HHAT: variants seen among roughly 807,000 people sequenced by gnomAD.
HHAT encodes protein-cysteine N-palmitoyltransferase HHAT.
HHAT carries 47 observed loss-of-function variants against 70.8 expected under a neutral mutation model. That is an observed-to-expected ratio of 0.66 (90% CI 0.53 to 0.85). HHAT has a LOEUF of 0.85. Among genes scored for constraint, HHAT ranks in the 40% least tolerant of loss-of-function variants. The pLI is 0.00. For missense variants in HHAT, 609 were observed against 604.8 expected, an observed-to-expected ratio of 1.01 and a Z score of -0.07; for synonymous variants, 228 against 247.6, an observed-to-expected ratio of 0.92 and a Z score of 0.74.
At chr1:210,590,596 A>G (rs1240427667) in intron 10 of HHAT, 6 of 147,928 alleles carry the variant, frequency 4.1e-5, no homozygotes, top group African/African-American at 1.5e-4. Context: ...TAGCTCAAAG[A>G]CAGTCAGGCT....
At chr1:210,515,757 C>CAAAAAA (rs34971563) in intron 9 of HHAT, among the ~76,000 whole-genome samples, 2 of 80,316 alleles carry the variant, frequency 2.5e-5, no homozygotes, top group African/African-American at 5.2e-5. Flanking sequence ...GACTCCGTCT[C>CAAAAAA]AAAAAAAAAA....
rs190307003 is a variant in HHAT at position 210,360,332 on chromosome 1, T to C, written c.92-2520T>C. On this transcript the variant is annotated intron_variant, in intron 2 of 11. Coordinates refer to ENST00000261458, the MANE Select transcript of HHAT (RefSeq NM_018194.6). Reference sequence around the variant, plus strand: ...TTTTTTTTTTTGTTTTGTTTTGATATGAAGTTTCGCTCTTTTTGCCCAGGC... The same window carrying C: ...TTTTTTTTTTTGTTTTGTTTTGATACGAAGTTTCGCTCTTTTTGCCCAGGC... Among the ~76,000 whole-genome samples, 9 of 151,344 alleles carry C rather than the reference T, an allele frequency of 5.9e-5. No individual in the cohort carries two copies. In the East Asian group the frequency reaches 9.7e-4, roughly 16 times the overall value.
intron 11 of HHAT, chr1:210,630,857 T>C: frequency 2.8e-6 from 1 of 359,528 alleles, no homozygotes; most frequent in Non-Finnish European, 5.4e-6. Flanking sequence ...CCTCTCGTCT[T>C]CCTAGTGGAC....
intron 9 of HHAT, among the ~76,000 whole-genome samples, chr1:210,566,397 G>A: frequency 6.6e-6 from 1 of 152,050 alleles, no homozygotes; most frequent in South Asian, 2.1e-4. Context: ...CCCAGCAAAG[G>A]CCCCATCCTC....
intron 9 of HHAT, among the ~76,000 whole-genome samples, chr1:210,535,147 T>C (rs1451051462): frequency 1.3e-5 from 2 of 152,178 alleles, no homozygotes; most frequent in Non-Finnish European, 2.9e-5. Flanking sequence ...ATCCCAGCCC[T>C]GAGGAAGGCC....
intron 9 of HHAT, among the ~76,000 whole-genome samples, chr1:210,520,017 TG>T (rs1340671143): frequency 3.6e-5 from 3 of 83,410 alleles, no homozygotes; most frequent in Admixed American, 9.7e-5. Flanking sequence ...TAAAACCCTT[TG>T]TTTTTTTGTT....
chr1:210,607,284 C>T (rs1035821059), intron 10 of HHAT, among the ~76,000 whole-genome samples: 2 of 151,820 alleles, frequency 1.3e-5, no homozygotes, highest in Admixed American at 6.6e-5. Context: ...CTTTGCTCAC[C>T]CTGCTCTTCA....
intron 10 of HHAT, among the ~76,000 whole-genome samples, chr1:210,604,070 G>C (rs1664841556): frequency 6.6e-6 from 1 of 152,074 alleles, no homozygotes; most frequent in Non-Finnish European, 1.5e-5. Flanking sequence ...TAACAGTGAT[G>C]TTAAGATAGT....
intron 6 of HHAT, among the ~76,000 whole-genome samples, chr1:210,404,884 T>C (rs572124142): frequency 1.5e-4 from 23 of 152,256 alleles, no homozygotes; most frequent in South Asian, 4.2e-4. Flanking sequence ...CCATCAGATA[T>C]GTCAGCTCTA....
chr1:210,557,376 G>A (rs1406523230), intron 9 of HHAT, among the ~76,000 whole-genome samples: 1 of 152,072 alleles, frequency 6.6e-6, no homozygotes, highest in Non-Finnish European at 1.5e-5. Context: ...GAAACCCCTG[G>A]TTTAGAGAGT....
intron 6 of HHAT, among the ~76,000 whole-genome samples, chr1:210,405,993 G>A (rs765925056): frequency 8.5e-5 from 13 of 152,296 alleles, no homozygotes; most frequent in Non-Finnish European, 1.5e-4. Flanking sequence ...TCGCCAGAGA[G>A]CTTGTTAGAA....
chr1:210,668,498 C>T lies in HHAT; in HGVS notation c.1391-5790C>T, dbSNP rs1246650094. On this transcript the variant is annotated intron_variant, in intron 11 of 11. Coordinates refer to ENST00000261458, the MANE Select transcript of HHAT (RefSeq NM_018194.6). ...GATGGTTTTATAAAGGGCAGTTCCC[C>T]CGCACATGCTCTCTTGCCTGCCACC... is the stretch of plus-strand genomic sequence containing the variant. Among the ~76,000 whole-genome samples the T allele has an allele frequency of 2.0e-5, 3 of 152,328 alleles. No individual in the cohort carries two copies. In the East Asian group the frequency reaches 5.8e-4, roughly 29 times the overall value.
intron 10 of HHAT, among the ~76,000 whole-genome samples, chr1:210,620,160 AGGCTTTG>A (rs1668551740): frequency 6.6e-6 from 1 of 152,208 alleles, no homozygotes; most frequent in Non-Finnish European, 1.5e-5. Context: ...TTTAAAGTGG[AGGCTTTG>A]GCCCTGTGGC....
At chr1:210,510,554 G>A (rs1180312045) in intron 8 of HHAT, among the ~76,000 whole-genome samples, 1 of 152,190 alleles carries the variant, frequency 6.6e-6, no homozygotes, top group Non-Finnish European at 1.5e-5. Context: ...GTGGAAGTGG[G>A]AAGACATCAG....
chr1:210,389,725 C>G (rs549146695), intron 4 of HHAT, among the ~76,000 whole-genome samples: 1 of 152,228 alleles, frequency 6.6e-6, no homozygotes, highest in Non-Finnish European at 1.5e-5. Context: ...GTTAATTAAA[C>G]CTCTTCTTCA....
chr1:210,477,041 A>AC (rs1208747092), intron 8 of HHAT, among the ~76,000 whole-genome samples: 1 of 152,186 alleles, frequency 6.6e-6, no homozygotes, highest in East Asian at 1.9e-4. Context: ...GATCACAGGG[A>AC]CCAGGACCCT....
intron 7 of HHAT, among the ~76,000 whole-genome samples, chr1:210,456,245 G>A (rs1318767935): frequency 6.6e-6 from 1 of 152,160 alleles, no homozygotes; most frequent in Non-Finnish European, 1.5e-5. Flanking sequence ...TGCTTTGTTC[G>A]TTTCTAGTTT....
intron 9 of HHAT, among the ~76,000 whole-genome samples, chr1:210,585,914 G>C (rs2148781213): frequency 6.6e-6 from 1 of 152,290 alleles, no homozygotes; most frequent in East Asian, 1.9e-4. Context: ...AATTTGGCCA[G>C]ATGATGGAGC....
At chr1:210,433,485 G>A (rs2093303792) in intron 7 of HHAT, among the ~76,000 whole-genome samples, 1 of 151,850 alleles carries the variant, frequency 6.6e-6, no homozygotes, top group Admixed American at 6.5e-5. Flanking sequence ...TGTTTCTCGT[G>A]GGATTGATTT....
Sources: gnomAD v4.1 joint callset for allele counts (sites outside exome capture counted in the v4.1 genomes callset) on GRCh38, gnomAD v4.1.1 for gene constraint, MANE v1.5 for transcripts, NCBI Gene and HGNC (gene_info 2026-07-23, HGNC 2026-07-21) for gene names.